Variants in CPNE4 observed in about 807,000 individuals in gnomAD.
CPNE4 encodes copine-4.
Under a neutral mutation model 67.9 loss-of-function variants are expected in CPNE4, and 25 were observed. That is an observed-to-expected ratio of 0.37 (90% CI 0.27 to 0.51). The LOEUF (loss-of-function observed/expected upper bound fraction) is 0.51. CPNE4 is among the 20% of genes least tolerant of loss of function. CPNE4 has a pLI of 0.93. For missense variants in CPNE4, 464 were observed against 690.8 expected (o/e 0.67, Z 3.68); for synonymous variants, 242 against 244.9 (o/e 0.99, Z 0.11).
intron 7 of CPNE4, among the ~76,000 whole-genome samples, chr3:131,665,497 A>T (rs1426677166): frequency 1.3e-5 from 2 of 152,068 alleles, no homozygotes; most frequent in Admixed American, 1.3e-4. Context: ...TGTCTCTACT[A>T]AAAATATAAA....
chr3:131,944,401 T>A (rs1459489258), intron 1 of CPNE4, among the ~76,000 whole-genome samples: 1 of 151,986 alleles, frequency 6.6e-6, no homozygotes, highest in Non-Finnish European at 1.5e-5. Flanking sequence ...GACAAATGGG[T>A]GAGAGGCTGC....
At chr3:131,695,061 A>C (rs147360280) in intron 5 of CPNE4, among the ~76,000 whole-genome samples, 250 of 152,316 alleles carry the variant, frequency 1.6e-3, no homozygotes, top group African/African-American at 5.9e-3. Flanking sequence ...AGGTTGTGTG[A>C]AATGATCTTT....
chr3:131,579,376 G>C (rs555272856), intron 9 of CPNE4, among the ~76,000 whole-genome samples: 1 of 152,212 alleles, frequency 6.6e-6, no homozygotes, highest in East Asian at 1.9e-4. Flanking sequence ...GATGTGCAAG[G>C]GGTTTTATCG....
intron 5 of CPNE4, among the ~76,000 whole-genome samples, chr3:131,687,876 G>T (rs1356704386): frequency 6.6e-6 from 1 of 152,214 alleles, no homozygotes; most frequent in Non-Finnish European, 1.5e-5. Flanking sequence ...AAGGTATAAG[G>T]AGTATTGAGG....
intron 7 of CPNE4, among the ~76,000 whole-genome samples, chr3:131,632,089 A>G (rs368965120): frequency 6.6e-6 from 1 of 150,812 alleles, no homozygotes; most frequent in African/African-American, 2.4e-5. Context: ...GGCTCACTGC[A>G]GCCTCCGCCT....
At chr3:131,978,521 T>A (rs1342964245) in intron 1 of CPNE4, among the ~76,000 whole-genome samples, 1 of 81,818 alleles carries the variant, frequency 1.2e-5, no homozygotes, top group Non-Finnish European at 2.1e-5. Context: ...TATTTATTTA[T>A]ATAAATATAA....
intron 2 of CPNE4, among the ~76,000 whole-genome samples, chr3:131,817,713 G>A (rs573914318): frequency 5.3e-4 from 80 of 152,334 alleles, no homozygotes; most frequent in African/African-American, 1.9e-3. Flanking sequence ...TTCCTGGAAA[G>A]AAGCCAGGGG....
At chr3:131,870,608 C>A (rs1005190411) in intron 2 of CPNE4, among the ~76,000 whole-genome samples, 1 of 152,154 alleles carries the variant, frequency 6.6e-6, no homozygotes, top group Non-Finnish European at 1.5e-5. Flanking sequence ...CTTCTCCTTC[C>A]TCCTTTTCTT....
intron 1 of CPNE4, among the ~76,000 whole-genome samples, chr3:131,910,840 C>T (rs879913093): frequency 6.6e-6 from 1 of 152,086 alleles, no homozygotes; most frequent in African/African-American, 2.4e-5. Context: ...TAGGAACCTC[C>T]GTATGAATTC....
intron 1 of CPNE4, among the ~76,000 whole-genome samples, chr3:131,984,559 C>A (rs1235427263): frequency 1.3e-5 from 2 of 152,286 alleles, no homozygotes; most frequent in East Asian, 3.9e-4. Flanking sequence ...CTACTGCTAT[C>A]AAGTGTTTAT....
At chr3:131,866,755 G>T (rs768126979) in intron 2 of CPNE4, among the ~76,000 whole-genome samples, 1 of 152,192 alleles carries the variant, frequency 6.6e-6, no homozygotes, top group Non-Finnish European at 1.5e-5. Context: ...AAAAAGATCA[G>T]ATAACATGGA....
intron 7 of CPNE4, among the ~76,000 whole-genome samples, chr3:131,668,140 GA>G (rs1415910178): frequency 6.6e-6 from 1 of 152,160 alleles, no homozygotes; most frequent in East Asian, 1.9e-4. Context: ...CAAGAACATG[GA>G]AGTGAACATG....
At chr3:131,709,242 A>G (rs1369203124) in intron 3 of CPNE4, among the ~76,000 whole-genome samples, 3 of 152,036 alleles carry the variant, frequency 2.0e-5, no homozygotes, top group Non-Finnish European at 4.4e-5. Context: ...CAATAAAGCC[A>G]TTTCCTACAA....
chr3:131,981,144 A>G (rs572148021), intron 1 of CPNE4, among the ~76,000 whole-genome samples: 2 of 152,096 alleles, frequency 1.3e-5, no homozygotes, highest in South Asian at 2.1e-4. Context: ...TGGTGGTTCA[A>G]TGCTTTATTT....
At chr3:131,963,846 G>T (rs1683851644) in intron 1 of CPNE4, among the ~76,000 whole-genome samples, 1 of 152,238 alleles carries the variant, frequency 6.6e-6, no homozygotes, top group African/African-American at 2.4e-5. Flanking sequence ...GCTCTGAAGA[G>T]AGCAGAGAAT....
chr3:132,039,131 T>A (rs183351057), upstream of CPNE4, among the ~76,000 whole-genome samples: 280 of 152,372 alleles, frequency 1.8e-3, no homozygotes, highest in Non-Finnish European at 3.3e-3. Flanking sequence ...AACATTTCTA[T>A]CATTGCAGAA....
intron 15 of CPNE4, among the ~76,000 whole-genome samples, chr3:131,540,143 G>A (rs2107625910): frequency 6.6e-6 from 1 of 152,300 alleles, no homozygotes; most frequent in Non-Finnish European, 1.5e-5. Flanking sequence ...AGCCCTGGGA[G>A]CTTGTGGGAA....
intron 2 of CPNE4, among the ~76,000 whole-genome samples, chr3:131,746,899 G>A (rs1189244498): frequency 2.6e-5 from 4 of 152,074 alleles, no homozygotes; most frequent in Non-Finnish European, 5.9e-5. Context: ...CAGTGTATAA[G>A]GGTTTCCTTT....
chr3:131,997,825 A>C (rs75173239), intron 1 of CPNE4, among the ~76,000 whole-genome samples: 2 of 152,258 alleles, frequency 1.3e-5, no homozygotes, highest in East Asian at 3.9e-4. Context: ...TGCAGTGTTA[A>C]CATGATCTTG....
Sources: gnomAD v4.1 joint callset for allele counts (sites outside exome capture counted in the v4.1 genomes callset) on GRCh38, gnomAD v4.1.1 for gene constraint, MANE v1.5 for transcripts, NCBI Gene and HGNC (gene_info 2026-07-23, HGNC 2026-07-21) for gene names.